Variants in DCLK2 observed in about 807,000 individuals in gnomAD.
DCLK2 encodes the protein doublecortin like kinase 2, also known as serine/threonine-protein kinase DCLK2.
DCLK2 carries 31 observed loss-of-function variants against 78.4 expected under a neutral mutation model. That is an observed-to-expected ratio of 0.40 (90% CI 0.30 to 0.53). The LOEUF is 0.53. DCLK2 is among the 20% of genes least tolerant of loss of function. The probability of loss-of-function intolerance (pLI) is 0.61; values close to 1 mark genes in which losing one functional copy is unlikely to be tolerated. For synonymous variants in DCLK2, 407 were observed against 374.9 expected (o/e 1.09, Z -0.99); for missense variants, 872 against 973.7 (o/e 0.90, Z 1.39).
intron 2 of DCLK2, among the ~76,000 whole-genome samples, chr4:150,106,727 T>G (rs1026571698): frequency 2.0e-5 from 3 of 152,224 alleles, no homozygotes; most frequent in Non-Finnish European, 4.4e-5. Flanking sequence ...TGTTTCTGAT[T>G]GAAGACATGA....
intron 1 of DCLK2, among the ~76,000 whole-genome samples, chr4:150,085,504 T>G (rs4635802): frequency 5.3e-5 from 8 of 151,846 alleles, no homozygotes; most frequent in African/African-American, 1.9e-4. Context: ...TAATCCATTC[T>G]TGAGGGTGGT....
chr4:150,202,445 C>G (rs756827229), intron 4 of DCLK2, among the ~76,000 whole-genome samples: 5 of 152,106 alleles, frequency 3.3e-5, no homozygotes, highest in Admixed American at 6.5e-5. Context: ...TTCGTTTTTA[C>G]TGAAATTTTA....
At chr4:150,222,630 G>A (rs1156732755) in intron 7 of DCLK2, among the ~76,000 whole-genome samples, 1 of 151,914 alleles carries the variant, frequency 6.6e-6, no homozygotes, top group Non-Finnish European at 1.5e-5. Flanking sequence ...TGGATTACAT[G>A]AGGCCAGGAG....
chr4:150,228,238 A>C (rs1390167658), intron 8 of DCLK2, among the ~76,000 whole-genome samples: 1 of 152,192 alleles, frequency 6.6e-6, no homozygotes, highest in Non-Finnish European at 1.5e-5. Context: ...GTAAGGTAAT[A>C]TTTGCAAGTT....
intron 1 of DCLK2, among the ~76,000 whole-genome samples, chr4:150,089,353 A>T (rs1172918424): frequency 6.6e-6 from 1 of 152,214 alleles, no homozygotes; most frequent in Non-Finnish European, 1.5e-5. Context: ...TAAGGAGGAG[A>T]GTGTTCAGCA....
At chr4:150,249,317 C>A (rs548524576) in intron 14 of DCLK2, among the ~76,000 whole-genome samples, 6 of 152,084 alleles carry the variant, frequency 3.9e-5, no homozygotes, top group African/African-American at 1.4e-4. Flanking sequence ...GAGACCTGTG[C>A]CCTCTCCTGG....
intron 2 of DCLK2, among the ~76,000 whole-genome samples, chr4:150,134,927 T>A (rs1733585463): frequency 1.3e-5 from 2 of 152,122 alleles, no homozygotes; most frequent in Non-Finnish European, 2.9e-5. Flanking sequence ...CCCTCTCCCT[T>A]TTGATACTGT....
intron 2 of DCLK2, among the ~76,000 whole-genome samples, chr4:150,112,885 A>T (rs1731796791): frequency 7.5e-6 from 1 of 134,014 alleles, no homozygotes; most frequent in Non-Finnish European, 1.5e-5. Context: ...ATCTTGGCTC[A>T]CTGCAACCAC....
intron 14 of DCLK2, 59 bp downstream of exon 14, chr4:150,248,444 T>C: frequency 7.2e-7 from 1 of 1,391,436 alleles, no homozygotes; most frequent in Admixed American, 1.7e-5. Flanking sequence ...AACAGCACGG[T>C]TCCTCACTGT....
At chr4:150,174,600 G>A (rs1172689023) in intron 2 of DCLK2, among the ~76,000 whole-genome samples, 1 of 152,120 alleles carries the variant, frequency 6.6e-6, no homozygotes, top group Non-Finnish European at 1.5e-5. Context: ...GAGGCAGGCG[G>A]ATCACGAGGT....
At position 150,232,421 on chromosome 4, in the gene DCLK2, G is replaced by A; in HGVS notation, c.1384G>A (p.Ala462Thr). Reference protein sequence around the residue: ...IIMLVEEMETATELFLVMELV... With the variant: ...IIMLVEEMETTTELFLVMELV... ...TATGCTGGTCGAGGAGATGGAAACA[G>A]CAACTGAGCTCTTTCTGGTGATGGA... is the stretch of plus-strand genomic sequence containing the variant. Residue 462 changes from alanine (A) to threonine (T), a missense_variant, in exon 9 of 16, where the codon GCA becomes ACA. Ala to Thr is a moderately conservative substitution (Grantham distance 58). Coordinates refer to ENST00000296550, the MANE Select transcript of DCLK2 (RefSeq NM_001040260.4). The A allele has an allele frequency of 6.2e-7, 1 of 1,614,128 alleles. No individual in the cohort carries two copies. The highest frequency in any genetic ancestry group is 8.5e-7 in the Non-Finnish European group (1 of 1,180,002).
intron 5 of DCLK2, among the ~76,000 whole-genome samples, chr4:150,218,066 T>G (rs1740868976): frequency 6.6e-6 from 1 of 151,864 alleles, no homozygotes; most frequent in Non-Finnish European, 1.5e-5. Context: ...GCTCTCTCTC[T>G]CGCTCTCTCT....
chr4:150,228,369 G>T (rs570080007), intron 8 of DCLK2, among the ~76,000 whole-genome samples: 2 of 152,302 alleles, frequency 1.3e-5, no homozygotes, highest in East Asian at 3.9e-4. Context: ...CCTCAGCAGT[G>T]TGCTCCGAGC....
chr4:150,247,503 C>A, intron 12 of DCLK2, 100 bp from the exon 13 acceptor site: 3 of 906,650 alleles, frequency 3.3e-6, no homozygotes, highest in South Asian at 1.6e-5. Context: ...CAAGTCAAAG[C>A]CAGAGACTGG....
intron 2 of DCLK2, among the ~76,000 whole-genome samples, chr4:150,186,666 G>A (rs938873231): frequency 3.9e-5 from 6 of 152,160 alleles, no homozygotes; most frequent in Non-Finnish European, 8.8e-5. Flanking sequence ...CAGATCCTGG[G>A]CATTTTATCA....
At chr4:150,228,663 A>G (rs984010950) in intron 8 of DCLK2, among the ~76,000 whole-genome samples, 1 of 152,228 alleles carries the variant, frequency 6.6e-6, no homozygotes, top group Non-Finnish European at 1.5e-5. Context: ...TTAGAAGAGG[A>G]GAGATCTAAT....
chr4:150,224,671 G>C (rs923118377), intron 8 of DCLK2, 113 bp downstream of exon 8: 1 of 782,600 alleles, frequency 1.3e-6, no homozygotes, highest in Non-Finnish European at 2.0e-6. Flanking sequence ...AGCAGGAGTA[G>C]AGACCAGTAA....
chr4:150,256,082 G>A lies in DCLK2; in HGVS notation c.2136G>A (p.Arg712=). 1 of 1,613,070 alleles carries A rather than the reference G, an allele frequency of 6.2e-7. No individual in the cohort carries two copies. The highest frequency in any genetic ancestry group is 8.5e-7 in the Non-Finnish European group (1 of 1,179,918). ...GCAAGCACTGTCAAGACAGCGGCAG[G>A]CCTGGGATGGAGCCCATCTCTCCAG... is the stretch of plus-strand genomic sequence containing the variant. The part of the protein sequence containing the change: ...FCSKHCQDSG[R]PGMEPISPVP... The change falls in exon 16 of 16, where the codon AGG becomes AGA. Residue 712 remains arginine, a synonymous_variant. Coordinates refer to ENST00000296550, the MANE Select transcript of DCLK2 (RefSeq NM_001040260.4).
At chr4:150,141,915 T>G (rs914400959) in intron 2 of DCLK2, among the ~76,000 whole-genome samples, 1 of 152,196 alleles carries the variant, frequency 6.6e-6, no homozygotes, top group African/African-American at 2.4e-5. Context: ...CAGCTATAAT[T>G]ATAAGACACT....
Sources: allele counts gnomAD v4.1 joint callset (sites outside exome capture counted in the v4.1 genomes callset), GRCh38; gene constraint gnomAD v4.1.1; transcripts MANE v1.5; gene names NCBI Gene and HGNC (gene_info 2026-07-23, HGNC 2026-07-21).